The following NEMP1 variants were observed in gnomAD, a reference collection of about 807,000 sequenced individuals.
NEMP1 encodes the protein transmembrane protein 194.
A neutral mutation model predicts 53.7 loss-of-function variants in NEMP1; 29 were observed. The ratio of observed to expected loss-of-function variants is 0.54; its 90% confidence interval spans 0.40 to 0.74. The LOEUF is 0.74. NEMP1 is among the 30% of genes least tolerant of loss of function. The pLI is 0.00. For synonymous variants in NEMP1, 193 were observed against 192.9 expected (o/e 1.00, Z 0.00); for missense variants, 477 against 528.6 (o/e 0.90, Z 0.96).
At position 57,059,337 on chromosome 12, in the gene NEMP1, A is replaced by T. The variant is rs1420420889; in HGVS notation, c.*542T>A. On this transcript the variant is annotated 3_prime_UTR_variant, in exon 9 of 9. Coordinates refer to ENST00000300128, the MANE Select transcript of NEMP1 (RefSeq NM_001130963.2). Reference sequence around the variant, plus strand: ...GGAACATGAGTTTGTTATGTTTTTTAAAAGACATTCATTTAAAAAACAAAA... The same window carrying T: ...GGAACATGAGTTTGTTATGTTTTTTTAAAGACATTCATTTAAAAAACAAAA... 1 of 152,310 alleles carries T rather than the reference A, an allele frequency of 6.6e-6. No homozygotes were observed. Among genetic ancestry groups the T allele is most frequent in the Non-Finnish European group, 1.5e-5 (1 of 68,112 alleles). 9.4% of individuals were successfully genotyped at this position (152,310 alleles called of 1,614,324 possible). A position where few individuals can be genotyped will look rare whatever the true frequency, so the allele number is the denominator to read the frequency against.
rs759631797 is a variant in NEMP1 at position 57,078,710 on chromosome 12, T to C, written c.36A>G (p.Ala12=). Residue 12 remains alanine, a synonymous_variant, in exon 1 of 9, where the codon GCA becomes GCG. Coordinates refer to ENST00000300128, the MANE Select transcript of NEMP1 (RefSeq NM_001130963.2). ...CCGAGCCCCAGGGCCCGGGACCAAC[T>C]GCCGGCGAGACCGCCACTTTCATTC... The part of the protein sequence containing the change: ...AGGMKVAVSP[A]VGPGPWGSGV... 1 of 1,613,052 alleles carries C rather than the reference T, an allele frequency of 6.2e-7. No individual in the cohort carries two copies. The highest frequency in any genetic ancestry group is 8.5e-7 in the Non-Finnish European group (1 of 1,179,424).
intron 7 of NEMP1, among the ~76,000 whole-genome samples, chr12:57,062,891 A>G (rs1289168779): frequency 2.0e-5 from 3 of 152,284 alleles, no homozygotes; most frequent in East Asian, 3.9e-4. Flanking sequence ...ACAGGAACAC[A>G]TGACATTTTA....
intron 1 of NEMP1, among the ~76,000 whole-genome samples, chr12:57,073,775 A>G (rs1219250251): frequency 6.6e-6 from 1 of 152,226 alleles, no homozygotes; most frequent in African/African-American, 2.4e-5. Flanking sequence ...TTTAAGAAAG[A>G]TTAAGTAATT....
intron 7 of NEMP1, among the ~76,000 whole-genome samples, chr12:57,062,006 A>G (rs543460051): frequency 1.1e-3 from 167 of 152,296 alleles, no homozygotes; most frequent in Admixed American, 1.8e-3. Context: ...TCAAAAAAAA[A>G]AGATTGTGGT....
chr12:57,084,586 A>G (rs1470098928), intron 1 of NEMP1, among the ~76,000 whole-genome samples: 1 of 152,214 alleles, frequency 6.6e-6, no homozygotes, highest in Non-Finnish European at 1.5e-5. Flanking sequence ...TTTTGCAGCC[A>G]TAAATCCTTC....
chr12:57,063,409 G>C (rs890274776), intron 6 of NEMP1, 65 bp from the exon 7 acceptor site: 8 of 1,358,870 alleles, frequency 5.9e-6, no homozygotes, highest in Non-Finnish European at 7.3e-6. Context: ...ATTTGTGTGG[G>C]AAGCAGTAGT....
At chr12:57,088,555 G>T (rs1439221031), upstream of NEMP1, among the ~76,000 whole-genome samples, 1 of 152,256 alleles carries the variant, frequency 6.6e-6, no homozygotes, top group East Asian at 1.9e-4. Flanking sequence ...CTGAGTATGG[G>T]CAACGGGCGT....
intron 1 of NEMP1, among the ~76,000 whole-genome samples, chr12:57,074,377 T>C (rs2032502726): frequency 6.6e-6 from 1 of 151,222 alleles, no homozygotes; most frequent in South Asian, 2.1e-4. Flanking sequence ...CTGCAACCTC[T>C]GCCTCCCAGG....
At chr12:57,080,762 G>A (rs1039933435), upstream of NEMP1, among the ~76,000 whole-genome samples, 4 of 151,684 alleles carry the variant, frequency 2.6e-5, no homozygotes, top group East Asian at 1.9e-4. Flanking sequence ...ATGGTGGCAG[G>A]TTCCTGTAAT....
upstream of NEMP1, among the ~76,000 whole-genome samples, chr12:57,082,027 G>A (rs1173463593): frequency 2.6e-5 from 4 of 151,880 alleles, no homozygotes; most frequent in African/African-American, 7.3e-5. Context: ...GACCAGCCTG[G>A]CCACCATAGT....
At chr12:57,075,390 TATAAATAAATAAATAA>T (rs36162399) in intron 1 of NEMP1, among the ~76,000 whole-genome samples, 127 of 135,892 alleles carry the variant, frequency 9.3e-4, no homozygotes, top group East Asian at 5.1e-3. Context: ...TCCATTTCAA[TATAAATAAATAAATAA>T]ATAAATAAAT....
At chr12:57,073,132 G>A (rs1468593365) in intron 1 of NEMP1, among the ~76,000 whole-genome samples, 1 of 151,598 alleles carries the variant, frequency 6.6e-6, no homozygotes, top group Non-Finnish European at 1.5e-5. Flanking sequence ...AGTCAGAAAA[G>A]TAATAATAAA....
At chr12:57,067,858 C>T (rs189647644) in intron 4 of NEMP1, among the ~76,000 whole-genome samples, 39 of 152,292 alleles carry the variant, frequency 2.6e-4, no homozygotes, top group African/African-American at 9.1e-4. Context: ...CAGCCTCAAC[C>T]TCCTGGGCTC....
intron 4 of NEMP1, among the ~76,000 whole-genome samples, chr12:57,067,788 C>T (rs993696858): frequency 2.6e-5 from 4 of 152,112 alleles, no homozygotes; most frequent in African/African-American, 9.7e-5. Context: ...TCTCTCCCGA[C>T]CTGAATATTA....
rs1258419858 is a variant in NEMP1, at chr12:57,056,878, A to G, written c.*3001T>C. 3 of 152,214 alleles carry G rather than the reference A, an allele frequency of 2.0e-5. No individual in the cohort carries two copies. Among genetic ancestry groups the G allele is most frequent in the East Asian group, 3.8e-4 (2 of 5,196 alleles). 9.4% of individuals were successfully genotyped at this position (152,214 alleles called of 1,614,324 possible). ...CTAGAATGGAATCTATTAGCATAAA[A>G]TGGAACAGTGGGACCCAAAGAGCTA... On this transcript the variant is annotated 3_prime_UTR_variant, in exon 9 of 9. Coordinates refer to ENST00000300128, the MANE Select transcript of NEMP1 (RefSeq NM_001130963.2).
chr12:57,078,505 C>T, intron 1 of NEMP1, 114 bp downstream of exon 1: 2 of 1,398,558 alleles, frequency 1.4e-6, no homozygotes, highest in South Asian at 1.4e-5. Context: ...CGGCGGCCCT[C>T]GGTAGAGCCA....
intron 5 of NEMP1, 103 bp downstream of exon 5, chr12:57,064,543 T>C (rs1464616452): frequency 1.2e-6 from 1 of 801,652 alleles, no homozygotes; most frequent in Non-Finnish European, 2.0e-6. Context: ...TATTGACTCA[T>C]CAGCCATCAA....
Position 57,064,142 on chromosome 12 carries a change from G to GA in NEMP1, c.682dup (p.Ser228PhefsTer10). ...AAAAACTAGTTGAATGAGGTACAGA[G>GA]AAAAAGACCAGCCTCCCACCAGGAT... On this transcript the variant is annotated frameshift_variant, in exon 6 of 9. Transcript: ENST00000300128. LOFTEE classifies it high-confidence loss of function. The GA allele has an allele frequency of 1.2e-6, 2 of 1,610,336 alleles. No individual in the cohort carries two copies. Among genetic ancestry groups the GA allele is most frequent in the Non-Finnish European group, 1.7e-6 (2 of 1,178,752 alleles).
chr12:57,082,760 C>T (rs534209630), upstream of NEMP1, among the ~76,000 whole-genome samples: 1 of 151,988 alleles, frequency 6.6e-6, no homozygotes, highest in South Asian at 2.1e-4. Flanking sequence ...GCCTGTAATC[C>T]CAATGTCTTG....
Sources: gnomAD v4.1 joint callset for allele counts (sites outside exome capture counted in the v4.1 genomes callset) on GRCh38, gnomAD v4.1.1 for gene constraint, MANE v1.5 for transcripts, NCBI Gene and HGNC (gene_info 2026-07-23, HGNC 2026-07-21) for gene names.